PLB1: variants seen among roughly 807,000 people sequenced by gnomAD.
PLB1 encodes phospholipase B1, also known as phospholipase B1, membrane-associated.
A neutral mutation model predicts 227.4 loss-of-function variants in PLB1; 242 were observed. That is an observed-to-expected ratio of 1.06 (90% confidence interval 0.96 to 1.18). PLB1 has a LOEUF of 1.18. Among genes scored for constraint, PLB1 ranks in the 50% most tolerant of loss-of-function variants. The pLI is 0.00. For missense variants in PLB1, 1,858 were observed against 1,816.3 expected (o/e 1.02, Z -0.42); for synonymous variants, 757 against 682.2 (o/e 1.11, Z -1.71).
intron 26 of PLB1, among the ~76,000 whole-genome samples, chr2:28,587,290 G>C (rs557574782): frequency 7.4e-4 from 113 of 152,306 alleles, no homozygotes; most frequent in African/African-American, 2.7e-3. Flanking sequence ...AGGAATCATG[G>C]AATCATGGAC....
intron 22 of PLB1, 104 bp from the exon 23 acceptor site, chr2:28,579,521 ACT>A (rs1679556547): frequency 1.2e-6 from 1 of 817,602 alleles, no homozygotes; most frequent in African/African-American, 1.7e-5. Context: ...TCCATGAGAC[ACT>A]CTGGTGTGTG....
intron 52 of PLB1, 145 bp downstream of exon 52, chr2:28,628,773 GCTC>G: frequency 1.2e-6 from 1 of 821,584 alleles, no homozygotes; most frequent in Non-Finnish European, 2.0e-6. Flanking sequence ...TGGCTGTCAA[GCTC>G]CTCTGCAGGG....
At chr2:28,514,885 G>T (rs547429733) in intron 1 of PLB1, among the ~76,000 whole-genome samples, 1 of 151,738 alleles carries the variant, frequency 6.6e-6, no homozygotes. Flanking sequence ...TCATTATGTT[G>T]CCCAGGCTGG....
chr2:28,537,999 C>T (rs530899077), intron 9 of PLB1, among the ~76,000 whole-genome samples: 1 of 152,308 alleles, frequency 6.6e-6, no homozygotes, highest in East Asian at 1.9e-4. Context: ...TCCTGTCCCT[C>T]AGTGTGAGCT....
intron 1 of PLB1, among the ~76,000 whole-genome samples, chr2:28,513,519 C>T (rs926196530): frequency 3.3e-5 from 5 of 152,354 alleles, no homozygotes; most frequent in Non-Finnish European, 7.3e-5. Flanking sequence ...CTGCTGATTT[C>T]TGTTGCTCAT....
At chr2:28,529,607 C>A in intron 7 of PLB1, 121 bp from the exon 8 acceptor site, 1 of 1,107,486 alleles carries the variant, frequency 9.0e-7, no homozygotes, top group East Asian at 2.4e-5. Flanking sequence ...GCCCACCCTT[C>A]AGAAGCCAGG....
intron 25 of PLB1, among the ~76,000 whole-genome samples, chr2:28,583,116 G>T (rs577945994): frequency 6.6e-6 from 1 of 152,182 alleles, no homozygotes; most frequent in Non-Finnish European, 1.5e-5. Flanking sequence ...GACAGAGCTG[G>T]CTTCCCCTTC....
chr2:28,640,346 A>G (rs1022147917), intron 56 of PLB1, among the ~76,000 whole-genome samples: 2 of 152,182 alleles, frequency 1.3e-5, no homozygotes, highest in Non-Finnish European at 2.9e-5. Context: ...AAAGGTATTT[A>G]CACCCAGGGA....
intron 17 of PLB1, among the ~76,000 whole-genome samples, chr2:28,560,999 C>T (rs1178134982): frequency 6.6e-6 from 1 of 152,242 alleles, no homozygotes; most frequent in African/African-American, 2.4e-5. Flanking sequence ...TCTCCCTCAT[C>T]CTCCTGTTAT....
At position 28,589,785 on chromosome 2, in the gene PLB1, T is replaced by A; in HGVS notation, c.2016+15T>A. The A allele has an allele frequency of 6.2e-7, 1 of 1,604,642 alleles. No individual in the cohort carries two copies. Among genetic ancestry groups the A allele is most frequent in the Non-Finnish European group, 8.5e-7 (1 of 1,172,066 alleles). On this transcript the variant is annotated intron_variant, in intron 28 of 57. Transcript: ENST00000327757. ...GGAACAATATGGTAAGTGGCTGCGG[T>A]AGGAAAATGCATCCTCCCTCTGGTA...
At chr2:28,588,581 G>C (rs1681315665) in intron 26 of PLB1, among the ~76,000 whole-genome samples, 1 of 152,174 alleles carries the variant, frequency 6.6e-6, no homozygotes, top group Non-Finnish European at 1.5e-5. Context: ...CGAGGTGGCA[G>C]AAACCCTGGT....
At chr2:28,539,599 T>A (rs774171111) in intron 11 of PLB1, among the ~76,000 whole-genome samples, 17 of 152,294 alleles carry the variant, frequency 1.1e-4, no homozygotes, top group Admixed American at 3.9e-4. Flanking sequence ...TCATAGACTT[T>A]AAACTTTTTG....
intron 50 of PLB1, 48 bp downstream of exon 50, chr2:28,625,156 T>TGGCTGG: frequency 1.3e-6 from 2 of 1,560,924 alleles, no homozygotes; most frequent in Non-Finnish European, 1.8e-6. Context: ...CATCTCCTGC[T>TGGCTGG]GGCTGGGGAG....
chr2:28,529,094 A>C (rs1018234158), intron 6 of PLB1, among the ~76,000 whole-genome samples: 4 of 151,538 alleles, frequency 2.6e-5, no homozygotes, highest in Non-Finnish European at 5.9e-5. Flanking sequence ...ACCACAGGTG[A>C]GCACCACCAC....
intron 56 of PLB1, among the ~76,000 whole-genome samples, chr2:28,636,652 C>T (rs1001490834): frequency 1.3e-5 from 2 of 152,066 alleles, no homozygotes; most frequent in East Asian, 1.9e-4. Flanking sequence ...CAGGTCTGAC[C>T]GCATCTGTGG....
Position 28,565,322 on chromosome 2 carries a change from G to A in PLB1, c.1249G>A (p.Val417Ile), listed in dbSNP as rs765559609. 59 of 1,611,574 alleles carry A rather than the reference G, an allele frequency of 3.7e-5. 1 individual carries two copies. Among genetic ancestry groups the A allele is most frequent in the Middle Eastern group, 1.6e-4 (1 of 6,082 alleles). Reference sequence around the variant, plus strand: ...GTCCACACCTGGGAACGTCTTGGACGTCTTGACTCAGTACCGAGGCCTGTC... The same window carrying A: ...GTCCACACCTGGGAACGTCTTGGACATCTTGACTCAGTACCGAGGCCTGTC... Reference protein sequence around the residue: ...AGSTPGNVLDVLTQYRGLSWS... With the variant: ...AGSTPGNVLDILTQYRGLSWS... The change falls in exon 19 of 58, where the codon GTC (valine) becomes ATC (isoleucine). Residue 417 changes from valine (V) to isoleucine (I), a missense_variant. Transcript: ENST00000327757.
At chr2:28,539,277 T>C in intron 11 of PLB1, 99 bp downstream of exon 11, 1 of 1,125,282 alleles carries the variant, frequency 8.9e-7, no homozygotes, top group Non-Finnish European at 1.3e-6. Context: ...GAGGGAGCCC[T>C]AAAGAACAGA....
chr2:28,549,408 C>CTTTCTTTTT (rs1673833475), intron 15 of PLB1, among the ~76,000 whole-genome samples: 2 of 60,698 alleles, frequency 3.3e-5, no homozygotes, highest in East Asian at 1.5e-3. Context: ...GAATGAGATT[C>CTTTCTTTTT]TTTCTTTTTT....
intron 26 of PLB1, 107 bp from the exon 27 acceptor site, chr2:28,589,343 C>A: frequency 1.2e-6 from 1 of 829,022 alleles, no homozygotes; most frequent in Non-Finnish European, 2.0e-6. Flanking sequence ...GTTGATTTCA[C>A]TCAACAGTCA....
Sources: allele counts gnomAD v4.1 joint callset (sites outside exome capture counted in the v4.1 genomes callset), GRCh38; gene constraint gnomAD v4.1.1; transcripts MANE v1.5; gene names NCBI Gene and HGNC (gene_info 2026-07-23, HGNC 2026-07-21).